PLEKHG1: variants seen among roughly 807,000 people sequenced by gnomAD.
PLEKHG1 encodes pleckstrin homology and RhoGEF domain containing G1.
Under a neutral mutation model 100.8 loss-of-function variants are expected in PLEKHG1, and 44 were observed. The observed-to-expected ratio is 0.44, with a 90% confidence interval of 0.34 to 0.56. The LOEUF is 0.56. Ranked by LOEUF, PLEKHG1 falls within the 20% of genes least tolerant of loss-of-function variation. PLEKHG1 has a pLI of 0.01. For synonymous variants in PLEKHG1, 640 were observed against 662.5 expected (o/e 0.97, Z 0.52); for missense variants, 1,545 against 1,720.9 (o/e 0.90, Z 1.81).
intron 3 of PLEKHG1, among the ~76,000 whole-genome samples, chr6:150,782,539 T>C (rs1785371720): frequency 6.6e-6 from 1 of 152,232 alleles, no homozygotes; most frequent in South Asian, 2.1e-4. Flanking sequence ...CCATACTTAT[T>C]GGAAATGCCA....
chr6:150,664,567 C>T (rs1039116289), intron 3 of PLEKHG1: 13 of 152,232 alleles, frequency 8.5e-5, no homozygotes, highest in African/African-American at 2.9e-4. Flanking sequence ...CTTATCTCTA[C>T]ACACTATTGC....
intron 15 of PLEKHG1, among the ~76,000 whole-genome samples, chr6:150,838,766 TA>T (rs59584755): frequency 0.033 from 5,038 of 152,348 alleles, 96 homozygotes; most frequent in South Asian, 0.056. Flanking sequence ...AAGTAACTGT[TA>T]GGTCCTATTC....
At position 150,756,782 on chromosome 6, in the gene PLEKHG1, C is replaced by G. The variant is rs191080626; in HGVS notation, c.412-11856C>G. ...GTCATTTAGCACAAATAAGTCAAGG[C>G]TTTTGTCTTTAAGGCCTTGTTATCC... On this transcript the variant is annotated intron_variant, in intron 2 of 15. Transcript: ENST00000358517. Among the ~76,000 whole-genome samples the G allele has an allele frequency of 1.6e-3, 246 of 152,178 alleles. 2 individuals are homozygous for G. The highest frequency in any genetic ancestry group is 2.2e-3 in the Admixed American group (34 of 15,280).
At chr6:150,633,737 G>T (rs76510461) in intron 1 of PLEKHG1, among the ~76,000 whole-genome samples, 275 of 152,318 alleles carry the variant, frequency 1.8e-3, no homozygotes, top group African/African-American at 5.9e-3. Context: ...TGGCCGAGGG[G>T]AGGAGAGAGG....
At chr6:150,661,473 G>A (rs1267576116) in intron 3 of PLEKHG1, among the ~76,000 whole-genome samples, 1 of 152,052 alleles carries the variant, frequency 6.6e-6, no homozygotes, top group Non-Finnish European at 1.5e-5. Context: ...TTCTTTCCTT[G>A]TTAGACATAA....
exon 9 of PLEKHG1, chr6:150,809,469 C>T: frequency 6.2e-7 from 1 of 1,613,126 alleles, no homozygotes; most frequent in Non-Finnish European, 8.5e-7. Flanking sequence ...CTGCAGCACA[C>T]AGTCCAGGTA....
chr6:150,684,897 C>T (rs1780067147), intron 3 of PLEKHG1, among the ~76,000 whole-genome samples: 1 of 152,122 alleles, frequency 6.6e-6, no homozygotes, highest in South Asian at 2.1e-4. Context: ...GTTAAGGAAG[C>T]ACGTGTGTGC....
At chr6:150,686,359 T>C (rs1451382769) in intron 3 of PLEKHG1, among the ~76,000 whole-genome samples, 1 of 152,198 alleles carries the variant, frequency 6.6e-6, no homozygotes, top group African/African-American at 2.4e-5. Flanking sequence ...GTAAACAAAT[T>C]CTGTTTATGT....
At chr6:150,714,648 A>G (rs1781357037) in intron 3 of PLEKHG1, among the ~76,000 whole-genome samples, 1 of 152,162 alleles carries the variant, frequency 6.6e-6, no homozygotes, top group Non-Finnish European at 1.5e-5. Flanking sequence ...GAGAAACTAC[A>G]TTTTCAGTTG....
chr6:150,773,159 G>A (rs1784789168), intron 3 of PLEKHG1, among the ~76,000 whole-genome samples: 1 of 151,968 alleles, frequency 6.6e-6, no homozygotes, highest in Non-Finnish European at 1.5e-5. Flanking sequence ...TGTCCTTAAT[G>A]TGCCTAACAT....
intron 3 of PLEKHG1, among the ~76,000 whole-genome samples, chr6:150,784,843 G>A (rs952289982): frequency 6.6e-6 from 1 of 152,156 alleles, no homozygotes; most frequent in Non-Finnish European, 1.5e-5. Flanking sequence ...AGTATACTCT[G>A]AGGCTAACAG....
chr6:150,792,675 A>AAAC (rs139993588), intron 4 of PLEKHG1, among the ~76,000 whole-genome samples: 11 of 88,086 alleles, frequency 1.2e-4, no homozygotes, highest in Admixed American at 7.4e-4. Context: ...CTCCATCTCA[A>AAAC]AACAACAACA....
intron 2 of PLEKHG1, among the ~76,000 whole-genome samples, chr6:150,744,300 T>G (rs1783033983): frequency 6.6e-6 from 1 of 152,142 alleles, no homozygotes; most frequent in Admixed American, 6.6e-5. Flanking sequence ...GGTCTCAATC[T>G]CCTAACCTCG....
chr6:150,795,018 AAAAAGT>A (rs1199940114), intron 4 of PLEKHG1, among the ~76,000 whole-genome samples: 3 of 151,988 alleles, frequency 2.0e-5, no homozygotes, highest in East Asian at 1.9e-4. Context: ...TAAGTGGTCT[AAAAAGT>A]AAAAGTAAAA....
upstream of PLEKHG1, among the ~76,000 whole-genome samples, chr6:150,718,891 A>T (rs1582997428): frequency 1.9e-5 from 1 of 51,558 alleles, no homozygotes; most frequent in South Asian, 8.5e-4. Context: ...ATATAAAGGC[A>T]AAAAAAAAAA....
intron 3 of PLEKHG1, among the ~76,000 whole-genome samples, chr6:150,656,925 A>G (rs1314807442): frequency 6.6e-6 from 1 of 152,130 alleles, no homozygotes; most frequent in Non-Finnish European, 1.5e-5. Flanking sequence ...ACCAACCCTC[A>G]TGTTTGCTAG....
chr6:150,608,774 C>T (rs1015897255), intron 1 of PLEKHG1, among the ~76,000 whole-genome samples: 17 of 152,106 alleles, frequency 1.1e-4, no homozygotes, highest in African/African-American at 4.1e-4. Context: ...GATCTGAATA[C>T]TCAGTTGAAA....
intron 4 of PLEKHG1, among the ~76,000 whole-genome samples, chr6:150,789,273 CT>C (rs1562520199): frequency 6.6e-6 from 1 of 152,158 alleles, no homozygotes; most frequent in Non-Finnish European, 1.5e-5. Context: ...AAGGAAATAT[CT>C]TTTCTTATGA....
chr6:150,647,148 A>G (rs897399817), intron 2 of PLEKHG1, among the ~76,000 whole-genome samples: 16 of 152,206 alleles, frequency 1.1e-4, no homozygotes, highest in African/African-American at 3.6e-4. Flanking sequence ...CGTATATAGA[A>G]GTATTATCAG....
Sources: allele counts gnomAD v4.1 joint callset (sites outside exome capture counted in the v4.1 genomes callset), GRCh38; gene constraint gnomAD v4.1.1; transcripts MANE v1.5; gene names NCBI Gene and HGNC (gene_info 2026-07-23, HGNC 2026-07-21).